CLYBL: variants seen among roughly 807,000 people sequenced by gnomAD.
The protein encoded by CLYBL is citramalyl-CoA lyase.
In CLYBL, 31 loss-of-function variants were observed where a neutral mutation model predicts 38.9. The ratio of observed to expected loss-of-function variants is 0.80; its 90% CI spans 0.60 to 1.08. The LOEUF is 1.08. Among genes scored for constraint, CLYBL ranks in the 50% least tolerant of loss-of-function variants. The pLI, the probability that CLYBL is intolerant of heterozygous loss-of-function variation, is 0.00. For synonymous variants in CLYBL, 171 were observed against 158.6 expected, an observed-to-expected ratio of 1.08 and a Z score of -0.59; for missense variants, 434 against 411.6, an observed-to-expected ratio of 1.05 and a Z score of -0.47.
At chr13:99,649,994 T>C (rs1360698107) in intron 1 of CLYBL, among the ~76,000 whole-genome samples, 1 of 152,152 alleles carries the variant, frequency 6.6e-6, no homozygotes, top group Non-Finnish European at 1.5e-5. Flanking sequence ...CCAAGCGCAG[T>C]GGCTCACACC....
intron 1 of CLYBL, among the ~76,000 whole-genome samples, chr13:99,731,450 A>G (rs987785208): frequency 3.3e-5 from 5 of 151,804 alleles, no homozygotes; most frequent in African/African-American, 1.2e-4. Context: ...CCTAAGTAAC[A>G]TAGCAAGACT....
rs549907379 is a variant in CLYBL, at chr13:99,648,904, GGA to G, written c.62+42148_62+42149del. 4.1e-3 allele frequency among the ~76,000 whole-genome samples: 623 copies of G among 151,614 alleles called. 7 individuals are homozygous for G. Among genetic ancestry groups the G allele is most frequent in the African/African-American group, 0.015 (604 of 41,284 alleles). On this transcript the variant is annotated intron_variant, in intron 1 of 8. Coordinates refer to ENST00000339105, the MANE Select transcript of CLYBL (RefSeq NM_206808.5). ...ATGAATATTTTATGTTTGAACATAA[GGA>G]TATATATATTTTTATATTTCATTCA...
At chr13:99,799,264 T>G (rs1416249345) in intron 2 of CLYBL, among the ~76,000 whole-genome samples, 1 of 152,042 alleles carries the variant, frequency 6.6e-6, no homozygotes, top group Non-Finnish European at 1.5e-5. Context: ...ATTTTTATAG[T>G]CCTATTCAAA....
intron 1 of CLYBL, among the ~76,000 whole-genome samples, chr13:99,677,731 ATGT>A (rs1196525929): frequency 6.6e-6 from 1 of 152,228 alleles, no homozygotes; most frequent in Non-Finnish European, 1.5e-5. Context: ...TTGTTTTATC[ATGT>A]TTTCATGCTG....
intron 1 of CLYBL, among the ~76,000 whole-genome samples, chr13:99,688,150 T>G (rs1393758857): frequency 6.6e-6 from 1 of 152,196 alleles, no homozygotes; most frequent in African/African-American, 2.4e-5. Flanking sequence ...AAATTTTTAT[T>G]AGTAGTGAAA....
At chr13:99,652,006 A>AAAT (rs2047261700) in intron 1 of CLYBL, among the ~76,000 whole-genome samples, 2 of 152,218 alleles carry the variant, frequency 1.3e-5, no homozygotes, top group Non-Finnish European at 2.9e-5. Flanking sequence ...TTTTCCTGGA[A>AAAT]GGATATGGAC....
At chr13:99,774,251 AC>A (rs1288963071) in intron 2 of CLYBL, among the ~76,000 whole-genome samples, 4 of 152,174 alleles carry the variant, frequency 2.6e-5, no homozygotes, top group Non-Finnish European at 1.5e-5. Flanking sequence ...TTTTAAAAAA[AC>A]AAAATAACCA....
chr13:99,617,500 A>T (rs536878636), intron 1 of CLYBL, among the ~76,000 whole-genome samples: 33 of 152,308 alleles, frequency 2.2e-4, no homozygotes, highest in African/African-American at 7.7e-4. Context: ...CAAAAACAAA[A>T]GTTTAGGAAA....
At chr13:99,652,733 C>T (rs2047272768) in intron 1 of CLYBL, among the ~76,000 whole-genome samples, 1 of 152,220 alleles carries the variant, frequency 6.6e-6, no homozygotes, top group Non-Finnish European at 1.5e-5. Context: ...GCCTCTTTCA[C>T]CTCCATACTC....
At chr13:99,626,495 C>T (rs2046871433) in intron 1 of CLYBL, among the ~76,000 whole-genome samples, 2 of 152,170 alleles carry the variant, frequency 1.3e-5, no homozygotes, top group Non-Finnish European at 2.9e-5. Context: ...AAGTGTTAGT[C>T]CCATGTCATT....
At chr13:99,664,119 T>C (rs551309462) in intron 1 of CLYBL, among the ~76,000 whole-genome samples, 9 of 152,378 alleles carry the variant, frequency 5.9e-5, no homozygotes, top group African/African-American at 1.9e-4. Context: ...TCTTGACCGC[T>C]GACATTTACC....
At chr13:99,694,462 G>A (rs938989860) in intron 1 of CLYBL, among the ~76,000 whole-genome samples, 1 of 152,178 alleles carries the variant, frequency 6.6e-6, no homozygotes, top group Non-Finnish European at 1.5e-5. Flanking sequence ...AAGTGAGAGG[G>A]CAGCATGTCA....
At chr13:99,650,046 G>A (rs1233120285) in intron 1 of CLYBL, among the ~76,000 whole-genome samples, 3 of 151,894 alleles carry the variant, frequency 2.0e-5, no homozygotes, top group Admixed American at 1.3e-4. Context: ...GGCGGATCAC[G>A]AGGTCAGGAG....
chr13:99,635,529 C>T (rs2047006714), intron 1 of CLYBL, among the ~76,000 whole-genome samples: 1 of 152,156 alleles, frequency 6.6e-6, no homozygotes, highest in Non-Finnish European at 1.5e-5. Flanking sequence ...CAGCTTATTG[C>T]TTTTTCCTGT....
intron 1 of CLYBL, among the ~76,000 whole-genome samples, chr13:99,608,158 G>A (rs993641526): frequency 3.0e-5 from 4 of 133,494 alleles, no homozygotes; most frequent in Admixed American, 8.7e-5. Flanking sequence ...TGCAACCTCC[G>A]CCTCCCGGAT....
At chr13:99,718,022 GT>G (rs1245948168) in intron 1 of CLYBL, among the ~76,000 whole-genome samples, 14 of 151,940 alleles carry the variant, frequency 9.2e-5, no homozygotes, top group African/African-American at 2.7e-4. Flanking sequence ...TTCTCTTACT[GT>G]TTTTTGTTTG....
intron 2 of CLYBL, among the ~76,000 whole-genome samples, chr13:99,824,257 G>GCCCACCCCCCCCCCCCCC (rs2050646713): frequency 7.7e-6 from 1 of 130,414 alleles, no homozygotes; most frequent in Non-Finnish European, 1.6e-5. Context: ...CTGACTAATA[G>GCCCACCCCCCCCCCCCCC]CCCCCCCCAC....
intron 1 of CLYBL, among the ~76,000 whole-genome samples, chr13:99,627,190 A>G (rs1303854102): frequency 1.3e-5 from 2 of 152,094 alleles, no homozygotes; most frequent in African/African-American, 4.8e-5. Context: ...TTTCTGACTC[A>G]GACATCTGGA....
intron 1 of CLYBL, among the ~76,000 whole-genome samples, chr13:99,638,562 A>G (rs536129068): frequency 6.6e-6 from 1 of 152,374 alleles, no homozygotes; most frequent in African/African-American, 2.4e-5. Flanking sequence ...CAGTCCCACA[A>G]AGAAATATTA....
Sources: gnomAD v4.1 joint callset for allele counts (sites outside exome capture counted in the v4.1 genomes callset) on GRCh38, gnomAD v4.1.1 for gene constraint, MANE v1.5 for transcripts, NCBI Gene and HGNC (gene_info 2026-07-23, HGNC 2026-07-21) for gene names.